Variants in PHF3 observed in about 807,000 individuals in gnomAD.
PHF3 encodes PHD finger protein 3.
In PHF3, 41 loss-of-function variants were observed where a neutral mutation model predicts 178.4. The observed-to-expected ratio is 0.23, with a 90% CI of 0.18 to 0.30. The LOEUF (loss-of-function observed/expected upper bound fraction) is 0.30. Ranked by LOEUF, PHF3 falls within the 10% of genes least tolerant of loss-of-function variation. The pLI, the probability that PHF3 is intolerant of heterozygous loss-of-function variation, is 1.00. For missense variants in PHF3, 2,346 were observed against 2,398.1 expected (o/e 0.98, Z 0.45); for synonymous variants, 842 against 800.5 (o/e 1.05, Z -0.88).
At chr6:63,651,910 T>TTG (rs1431876050) in intron 2 of PHF3, among the ~76,000 whole-genome samples, 1 of 152,216 alleles carries the variant, frequency 6.6e-6, no homozygotes, top group African/African-American at 2.4e-5. Context: ...TAGTATTCCA[T>TTG]TGTGTATATA....
chr6:63,705,469 G>T (rs547877792), intron 11 of PHF3, among the ~76,000 whole-genome samples: 1 of 152,306 alleles, frequency 6.6e-6, no homozygotes, highest in Non-Finnish European at 1.5e-5. Flanking sequence ...TCATAGGGGT[G>T]CAAACCCTAT....
chr6:63,706,261 A>T, intron 12 of PHF3, 37 bp downstream of exon 12: 3 of 1,488,054 alleles, frequency 2.0e-6, no homozygotes, highest in African/African-American at 2.8e-5. Flanking sequence ...AATACTCATT[A>T]TAGATCTTTG....
At chr6:63,658,192 T>C (rs79593378) in intron 2 of PHF3, among the ~76,000 whole-genome samples, 1,839 of 152,306 alleles carry the variant, frequency 0.012, 39 homozygotes, top group African/African-American at 0.042. Context: ...TTTTTAGAGA[T>C]TCTAAAAGTT....
At chr6:63,668,722 A>G (rs1765782627) in intron 2 of PHF3, among the ~76,000 whole-genome samples, 1 of 152,122 alleles carries the variant, frequency 6.6e-6, no homozygotes. Flanking sequence ...AAGATGCTCA[A>G]ATTTTTTTTT....
intron 3 of PHF3, among the ~76,000 whole-genome samples, chr6:63,682,638 TGAAAA>T (rs1374378687): frequency 6.6e-6 from 1 of 152,080 alleles, no homozygotes; most frequent in Non-Finnish European, 1.5e-5. Flanking sequence ...CTTTGAGAAA[TGAAAA>T]GAATAGAATA....
chr6:63,693,136 A>G (rs2149592880), intron 5 of PHF3, among the ~76,000 whole-genome samples: 1 of 152,348 alleles, frequency 6.6e-6, no homozygotes, highest in East Asian at 1.9e-4. Context: ...AGTAATTGAT[A>G]ATATGGATCT....
In PHF3 at chr6:63,711,702, C is replaced by T. The variant is rs1767934314; in HGVS notation, c.4114C>T (p.Pro1372Ser). The change falls in exon 16 of 16, where the codon CCA (proline) becomes TCA (serine). Residue 1372 changes from proline (P) to serine (S), a missense_variant. Pro to Ser is a moderately conservative substitution (Grantham distance 74, BLOSUM62 -1). Coordinates refer to ENST00000262043, the MANE Select transcript of PHF3 (RefSeq NM_001370348.2). The part of the protein sequence containing the change: ...SHIAETPESA[P>S]PIALPPDKKS... ...TATAGCTGAGACTCCTGAAAGTGCA[C>T]CACCAATAGCATTGCCACCTGATAA... is the stretch of plus-strand genomic sequence containing the variant. The T allele has an allele frequency of 1.2e-6, 2 of 1,613,870 alleles. No homozygotes were observed. The highest frequency in any genetic ancestry group is 1.7e-6 in the Non-Finnish European group (2 of 1,179,856).
At position 63,712,869 on chromosome 6, in the gene PHF3, G is replaced by A. The variant is rs924696646; in HGVS notation, c.5281G>A (p.Ala1761Thr). Residue 1761 changes from alanine (A) to threonine (T), a missense_variant, in exon 16 of 16, where the codon GCG becomes ACG. This residue lies in a region of PHF3 where 839 missense variants were observed against 806.9 expected (regional missense o/e 1.04). Coordinates refer to ENST00000262043, the MANE Select transcript of PHF3 (RefSeq NM_001370348.2). ...VHPFRRGSAV[A>T]TSHFEVGNTC... Reference sequence around the variant, plus strand: ...CCCATTTCGAAGAGGATCAGCAGTAGCGACATCTCATTTTGAAGTTGGAAA... The same window carrying A: ...CCCATTTCGAAGAGGATCAGCAGTAACGACATCTCATTTTGAAGTTGGAAA... 9 of 1,613,858 alleles carry A rather than the reference G, an allele frequency of 5.6e-6. No individual in the cohort carries two copies. The highest frequency in any genetic ancestry group is 4.0e-5 in the African/African-American group (3 of 74,882).
At chr6:63,659,024 A>G (rs1765356898) in intron 2 of PHF3, among the ~76,000 whole-genome samples, 1 of 152,114 alleles carries the variant, frequency 6.6e-6, no homozygotes, top group South Asian at 2.1e-4. Flanking sequence ...TTTTTTACTC[A>G]AGTCTTTTGG....
intron 2 of PHF3, 68 bp downstream of exon 2, chr6:63,646,863 C>CTTTTTCT (rs1250342077): frequency 9.4e-7 from 1 of 1,064,204 alleles, no homozygotes; most frequent in Non-Finnish European, 1.2e-6. Flanking sequence ...TTTTCAGCAG[C>CTTTTTCT]TTTTTCTTTT....
intron 1 of PHF3, chr6:63,636,772 G>A (rs1764358793): frequency 6.6e-6 from 1 of 152,194 alleles, no homozygotes; most frequent in African/African-American, 2.4e-5. Flanking sequence ...GAGAAGCCTA[G>A]ACTCTTGCCT....
intron 2 of PHF3, chr6:63,678,944 A>AT: frequency 2.6e-6 from 1 of 383,764 alleles, no homozygotes; most frequent in Non-Finnish European, 5.0e-6. Context: ...AATAACTAAC[A>AT]TTTGTATAGT....
chr6:63,640,188 T>G (rs1394463262), intron 1 of PHF3, among the ~76,000 whole-genome samples: 1 of 152,212 alleles, frequency 6.6e-6, no homozygotes, highest in African/African-American at 2.4e-5. Context: ...AGTAGATGAC[T>G]AGGTTGAATT....
intron 4 of PHF3, among the ~76,000 whole-genome samples, chr6:63,689,902 TTTGA>T (rs1766922050): frequency 6.6e-6 from 1 of 152,172 alleles, no homozygotes; most frequent in South Asian, 2.1e-4. Flanking sequence ...TTAATATACC[TTTGA>T]TTGTGGAAGT....
intron 2 of PHF3, among the ~76,000 whole-genome samples, chr6:63,647,629 G>A (rs1764847064): frequency 6.6e-6 from 1 of 152,110 alleles, no homozygotes; most frequent in Non-Finnish European, 1.5e-5. Flanking sequence ...ACAGAAAAGG[G>A]TCTGTAGTTG....
Position 63,646,717 on chromosome 6 carries a change from C to T in PHF3, c.166C>T (p.Leu56=). Residue 56 remains leucine (L), a synonymous_variant, in exon 2 of 16, where the codon CTA becomes TTA. Coordinates refer to ENST00000262043, the MANE Select transcript of PHF3 (RefSeq NM_001370348.2). ...CATGCTCAGCGATAAGGATCCTATG[C>T]TAGGATCTGCAAGTAACCAGTTCTG... The part of the protein sequence containing the change: ...KNMLSDKDPM[L]GSASNQFCLP... The T allele has an allele frequency of 1.2e-6, 2 of 1,611,430 alleles. No homozygotes were observed. Among genetic ancestry groups the T allele is most frequent in the Non-Finnish European group, 1.7e-6 (2 of 1,178,302 alleles).
intron 4 of PHF3, 105 bp from the exon 5 acceptor site, chr6:63,691,630 CAA>C: frequency 1.0e-6 from 1 of 958,764 alleles, no homozygotes; most frequent in East Asian, 2.4e-5. Context: ...GGAAAACATG[CAA>C]AGTTTCAGAA....
intron 9 of PHF3, among the ~76,000 whole-genome samples, chr6:63,701,290 T>C (rs1767464586): frequency 6.6e-6 from 1 of 152,246 alleles, no homozygotes; most frequent in Admixed American, 6.5e-5. Flanking sequence ...TTTAATTACG[T>C]GTCTCAGACC....
chr6:63,701,327 T>G (rs1192612204), intron 9 of PHF3, among the ~76,000 whole-genome samples: 2 of 152,216 alleles, frequency 1.3e-5, no homozygotes, highest in East Asian at 3.8e-4. Flanking sequence ...TAATATAGAG[T>G]GTGTGCACCA....
Sources: allele counts gnomAD v4.1 joint callset (sites outside exome capture counted in the v4.1 genomes callset), GRCh38; gene constraint gnomAD v4.1.1; regional missense constraint gnomAD v4.1.1; transcripts MANE v1.5; gene names NCBI Gene and HGNC (gene_info 2026-07-23, HGNC 2026-07-21).